CENPW: variants seen among roughly 807,000 people sequenced by gnomAD.
The protein encoded by CENPW is cancer-up-regulated gene 2 protein.
Under a neutral mutation model 11.1 loss-of-function variants are expected in CENPW, and 3 were observed. That is an observed-to-expected ratio of 0.27 (90% CI 0.12 to 0.70). The LOEUF (loss-of-function observed/expected upper bound fraction) is 0.70, where lower values mean the gene tolerates loss of function less well. CENPW is among the 30% of genes least tolerant of loss of function. The pLI is 0.77. For synonymous variants in CENPW, 38 were observed against 42.0 expected, an observed-to-expected ratio of 0.91 and a Z score of 0.37; for missense variants, 100 against 105.6, an observed-to-expected ratio of 0.95 and a Z score of 0.23.
the CENPW span, among the ~76,000 whole-genome samples, chr6:126,391,220 TC>T: frequency 6.6e-6 from 1 of 152,030 alleles, no homozygotes; most frequent in African/African-American, 2.4e-5. Context: ...TCTCTGATGA[TC>T]AGTGATGTTG....
intron 2 of CENPW, among the ~76,000 whole-genome samples, chr6:126,347,198 T>C (rs909885854): frequency 1.3e-5 from 2 of 152,192 alleles, no homozygotes; most frequent in Non-Finnish European, 2.9e-5. Context: ...TGTAAGAATA[T>C]GTAAGAAACT....
At chr6:126,470,773 G>A in the CENPW span, among the ~76,000 whole-genome samples, 1 of 152,256 alleles carries the variant, frequency 6.6e-6, no homozygotes, top group South Asian at 2.1e-4. Context: ...GAGACATGGA[G>A]TAAAAGGAGA....
At chr6:126,344,123 G>T (rs911887591) in intron 1 of CENPW, among the ~76,000 whole-genome samples, 1 of 152,106 alleles carries the variant, frequency 6.6e-6, no homozygotes, top group Non-Finnish European at 1.5e-5. Flanking sequence ...ATGTGTTAAG[G>T]GACACTGGGG....
At chr6:126,376,955 T>G in the CENPW span, among the ~76,000 whole-genome samples, 1 of 152,178 alleles carries the variant, frequency 6.6e-6, no homozygotes, top group Non-Finnish European at 1.5e-5. Context: ...TCATCCTGTG[T>G]GCATACATCT....
chr6:126,387,403 C>T, the CENPW span, among the ~76,000 whole-genome samples: 146 of 151,960 alleles, frequency 9.6e-4, no homozygotes, highest in African/African-American at 3.1e-3. Flanking sequence ...CCCAATTTCA[C>T]GGAGGAAAGT....
the CENPW span, among the ~76,000 whole-genome samples, chr6:126,460,642 T>C: frequency 6.6e-6 from 1 of 151,746 alleles, no homozygotes; most frequent in Non-Finnish European, 1.5e-5. Context: ...TGGACAGTAG[T>C]TAAAGCAGTA....
At chr6:126,356,843 ATG>A in the CENPW span, among the ~76,000 whole-genome samples, 1 of 151,782 alleles carries the variant, frequency 6.6e-6, no homozygotes, top group East Asian at 1.9e-4. Context: ...CCTTTGTTAG[ATG>A]TGTAGTTTGC....
the CENPW span, among the ~76,000 whole-genome samples, chr6:126,382,410 A>T: frequency 6.6e-6 from 1 of 152,296 alleles, no homozygotes; most frequent in Non-Finnish European, 1.5e-5. Context: ...AAACAATTGC[A>T]CTAGCTCTCC....
the CENPW span, among the ~76,000 whole-genome samples, chr6:126,412,266 G>A: frequency 6.6e-6 from 1 of 151,542 alleles, no homozygotes; most frequent in Non-Finnish European, 1.5e-5. Context: ...GAGATTACAG[G>A]CATGAACGAC....
the CENPW span, among the ~76,000 whole-genome samples, chr6:126,442,267 A>G: frequency 6.6e-6 from 1 of 151,482 alleles, no homozygotes; most frequent in South Asian, 2.1e-4. Context: ...AGAGTTGTCT[A>G]TTCATGATCT....
At chr6:126,382,635 T>G in the CENPW span, among the ~76,000 whole-genome samples, 3 of 152,014 alleles carry the variant, frequency 2.0e-5, no homozygotes, top group Admixed American at 1.3e-4. Context: ...CCACAAGAAT[T>G]ATATAATGCA....
chr6:126,462,509 TTCTC>T, the CENPW span, among the ~76,000 whole-genome samples: 1,440 of 139,982 alleles, frequency 0.01, 9 homozygotes, highest in Middle Eastern at 0.014. Context: ...CTTCTTTTCT[TTCTC>T]TCTCTCTCTC....
At chr6:126,410,757 T>G in the CENPW span, among the ~76,000 whole-genome samples, 1 of 152,082 alleles carries the variant, frequency 6.6e-6, no homozygotes, top group Non-Finnish European at 1.5e-5. Context: ...TTCAGCTTAA[T>G]TAAGTTTGCT....
chr6:126,465,452 A>G, the CENPW span, among the ~76,000 whole-genome samples: 1 of 152,214 alleles, frequency 6.6e-6, no homozygotes, highest in Non-Finnish European at 1.5e-5. Context: ...CAGTCTGCCT[A>G]TTGATTTACA....
At chr6:126,444,945 C>T in the CENPW span, among the ~76,000 whole-genome samples, 1 of 151,038 alleles carries the variant, frequency 6.6e-6, no homozygotes, top group Admixed American at 6.6e-5. Flanking sequence ...ATGTTTCCAC[C>T]CTGCTTCTAC....
the CENPW span, among the ~76,000 whole-genome samples, chr6:126,405,362 A>T: frequency 3.8e-4 from 58 of 151,924 alleles, no homozygotes; most frequent in African/African-American, 1.3e-3. Context: ...TTATTGGCCT[A>T]TGTTTCTGTT....
chr6:126,436,652 T>G, the CENPW span, among the ~76,000 whole-genome samples: 1 of 151,852 alleles, frequency 6.6e-6, no homozygotes, highest in South Asian at 2.1e-4. Flanking sequence ...ATCAATGACC[T>G]CACAAAATTT....
the CENPW span, among the ~76,000 whole-genome samples, chr6:126,423,930 T>C: frequency 0.46 from 69,067 of 151,714 alleles, 17,400 homozygotes; most frequent in East Asian, 0.97. Flanking sequence ...CATGCTGGTG[T>C]GCTGCACCCA....
the CENPW span, among the ~76,000 whole-genome samples, chr6:126,367,653 T>C: frequency 2.0e-5 from 3 of 152,094 alleles, no homozygotes; most frequent in African/African-American, 7.2e-5. Context: ...ACTAGAGATT[T>C]AGAATCATTG....
Sources: allele counts gnomAD v4.1 joint callset (sites outside exome capture counted in the v4.1 genomes callset), GRCh38; gene constraint gnomAD v4.1.1; transcripts MANE v1.5; gene names NCBI Gene and HGNC (gene_info 2026-07-23, HGNC 2026-07-21).